BRCC3: variants seen among roughly 807,000 people sequenced by gnomAD.
BRCC3 encodes the protein BRCA1/BRCA2-containing complex subunit 3, also known as lys-63-specific deubiquitinase BRCC36.
Under a neutral mutation model 28.0 loss-of-function variants are expected in BRCC3, and 15 were observed. That is an observed-to-expected ratio of 0.54 (90% CI 0.36 to 0.82). The LOEUF is 0.82. Ranked by LOEUF, BRCC3 falls within the 40% of genes least tolerant of loss-of-function variation. The pLI is 0.01. For synonymous variants in BRCC3, 66 were observed against 80.3 expected, an observed-to-expected ratio of 0.82 and a Z score of 0.95; for missense variants, 109 against 225.9, an observed-to-expected ratio of 0.48 and a Z score of 3.32.
chrX:155,073,458 G>T (rs1557292935), intron 3 of BRCC3, 27 bp downstream of exon 3: 1 of 1,161,986 alleles, frequency 8.6e-7, no homozygotes, highest in Non-Finnish European at 1.2e-6. Flanking sequence ...TTTGCATGAT[G>T]GAAACTTGCA....
intron 7 of BRCC3, among the ~76,000 whole-genome samples, chrX:155,115,658 T>C (rs2074349954): frequency 8.9e-6 from 1 of 112,385 alleles, no homozygotes; most frequent in Non-Finnish European, 1.9e-5. Flanking sequence ...ATGGAGTCAT[T>C]GAAGAGTCTG....
chrX:155,075,992 C>T (rs1432371797), intron 3 of BRCC3, among the ~76,000 whole-genome samples: 1 of 112,380 alleles, frequency 8.9e-6, no homozygotes, highest in Admixed American at 9.4e-5. Flanking sequence ...ATACACTTGT[C>T]TGCCTTTTCT....
intron 7 of BRCC3, among the ~76,000 whole-genome samples, chrX:155,095,290 G>GT (rs1183823525): frequency 9.0e-6 from 1 of 111,538 alleles, no homozygotes; most frequent in Non-Finnish European, 1.9e-5. Flanking sequence ...AAAAAATTTA[G>GT]TTTTTATTGT....
chrX:155,091,859 T>C (rs2074177765), intron 7 of BRCC3, among the ~76,000 whole-genome samples: 1 of 109,611 alleles, frequency 9.1e-6, no homozygotes, highest in Non-Finnish European at 1.9e-5. Context: ...TTTTGTTAAA[T>C]GGAAATGCAG....
intron 7 of BRCC3, among the ~76,000 whole-genome samples, chrX:155,111,951 T>G (rs1263770619): frequency 9.0e-6 from 1 of 111,581 alleles, no homozygotes; most frequent in Non-Finnish European, 1.9e-5. Flanking sequence ...CCATGTTTTC[T>G]TATACACGCA....
chrX:155,103,589 A>G (rs1156523336), intron 7 of BRCC3, among the ~76,000 whole-genome samples: 3 of 111,734 alleles, frequency 2.7e-5, no homozygotes, highest in African/African-American at 6.5e-5. Context: ...TGTTTTTATC[A>G]CTGGCTTTAA....
intron 7 of BRCC3, among the ~76,000 whole-genome samples, chrX:155,094,562 A>G (rs1227323896): frequency 9.9e-5 from 11 of 110,893 alleles, no homozygotes; most frequent in African/African-American, 3.6e-4. Flanking sequence ...TTGCTTATAA[A>G]TTTCTGGGCT....
intron 7 of BRCC3, 127 bp from the exon 8 acceptor site, chrX:155,115,929 TA>T: frequency 1.5e-6 from 1 of 677,685 alleles, no homozygotes; most frequent in Non-Finnish European, 2.2e-6. Context: ...GTTGCATCAC[TA>T]AATGAATTAC....
Position 155,101,114 on chromosome X carries a change from G to T in BRCC3, c.548+10275G>T, listed in dbSNP as rs2074244465. 2.7e-5 allele frequency among the ~76,000 whole-genome samples: 3 copies of T among 110,767 alleles called. No homozygotes were observed. In the South Asian group the frequency reaches 1.2e-3, roughly 43 times the overall value. On this transcript the variant is annotated intron_variant, in intron 7 of 10. Transcript: ENST00000330045. ...GGGTTTCGCCATGTTGCCCAGGCTG[G>T]TCTCAAACTCCCGGGCTCAAGCGAT...
At chrX:155,090,394 T>C (rs1303279585) in intron 6 of BRCC3, among the ~76,000 whole-genome samples, 1 of 112,683 alleles carries the variant, frequency 8.9e-6, no homozygotes, top group Non-Finnish European at 1.9e-5. Flanking sequence ...AAAATCAGTT[T>C]TCCAGAAACA....
chrX:155,101,903 T>C (rs1292577553), intron 7 of BRCC3, among the ~76,000 whole-genome samples: 2 of 112,390 alleles, frequency 1.8e-5, no homozygotes, highest in African/African-American at 6.5e-5. Context: ...TTTTTGTATA[T>C]GGAATCATAG....
At chrX:155,081,142 C>T (rs1225089549) in intron 5 of BRCC3, among the ~76,000 whole-genome samples, 1 of 110,363 alleles carries the variant, frequency 9.1e-6, no homozygotes, top group Non-Finnish European at 1.9e-5. Context: ...ACCCACCTGG[C>T]CAACAAGGTG....
intron 7 of BRCC3, among the ~76,000 whole-genome samples, chrX:155,097,509 A>G (rs1557296382): frequency 8.9e-6 from 1 of 111,938 alleles, no homozygotes; most frequent in African/African-American, 3.3e-5. Context: ...CTCCTCAAAA[A>G]ACAAAAAATA....
rs2074050990 is a variant in BRCC3 at position 155,077,163 on chromosome X, C to T, written c.196-7C>T. 1 of 1,168,808 alleles carries T rather than the reference C, an allele frequency of 8.6e-7. No homozygotes were observed. The highest frequency in any genetic ancestry group is 1.2e-6 in the Non-Finnish European group (1 of 869,181). On this transcript the variant is annotated splice_polypyrimidine_tract_variant and splice_region_variant and intron_variant, in intron 3 of 10. Coordinates refer to ENST00000330045, the MANE Select transcript of BRCC3 (RefSeq NM_001018055.3). ...GTAAGTAACCATTTCTGTGGATTTT[C>T]CTTTAGGTTGATGCCGTCAGAATTG...
At position 155,084,508 on chromosome X, in the gene BRCC3, A is replaced by C. The variant is rs1814186; in HGVS notation, c.404-4755A>C. On this transcript the variant is annotated intron_variant, in intron 5 of 10. Transcript: ENST00000330045. ...CTCCTGAGTAGCTGGGACTACAGGC[A>C]TCCGCCACCACACCCGGCTAATTTT... is the stretch of plus-strand genomic sequence containing the variant. Among the ~76,000 whole-genome samples the C allele has an allele frequency of 6.3e-3, 703 of 111,633 alleles. 2 individuals are homozygous for C. The highest frequency in any genetic ancestry group is 0.021 in the African/African-American group (640 of 30,711).
At chrX:155,072,205 A>T (rs2073990102) in intron 1 of BRCC3, 122 bp from the exon 2 acceptor site, 2 of 561,910 alleles carry the variant, frequency 3.6e-6, no homozygotes, top group East Asian at 6.9e-5. Context: ...AGTCTAAAGT[A>T]ATTCTCCAGT....
intron 2 of BRCC3, 87 bp downstream of exon 2, chrX:155,072,430 G>A (rs1226241866): frequency 7.9e-5 from 57 of 723,882 alleles, no homozygotes; most frequent in Non-Finnish European, 1.0e-4. Flanking sequence ...TATTGTGTCC[G>A]GATCGTGTCT....
At chrX:155,105,253 C>T (rs782363533) in intron 7 of BRCC3, among the ~76,000 whole-genome samples, 5 of 111,620 alleles carry the variant, frequency 4.5e-5, no homozygotes, top group Middle Eastern at 4.6e-3. Flanking sequence ...GAGGCCGAGG[C>T]GCGTGGATCA....
intron 7 of BRCC3, among the ~76,000 whole-genome samples, chrX:155,108,753 T>C (rs1557297805): frequency 8.9e-6 from 1 of 112,028 alleles, no homozygotes; most frequent in East Asian, 2.8e-4. Context: ...AATTCCAGTA[T>C]GTTCTGGATA....
Sources: allele counts gnomAD v4.1 joint callset (sites outside exome capture counted in the v4.1 genomes callset), GRCh38; gene constraint gnomAD v4.1.1; transcripts MANE v1.5; gene names NCBI Gene and HGNC (gene_info 2026-07-23, HGNC 2026-07-21).